The following AGBL1 variants were observed in gnomAD, a reference collection of about 807,000 sequenced individuals.
AGBL1 encodes AGBL carboxypeptidase 1.
AGBL1 carries 130 observed loss-of-function variants against 118.9 expected under a neutral mutation model. The ratio of observed to expected loss-of-function variants is 1.09; its 90% CI spans 0.95 to 1.26. AGBL1 has a LOEUF of 1.26. Ranked by LOEUF, AGBL1 falls within the 50% of genes most tolerant of loss-of-function variation. The pLI is 0.00. For synonymous variants in AGBL1, 555 were observed against 478.9 expected (o/e 1.16, Z -2.08); for missense variants, 1,584 against 1,298.1 (o/e 1.22, Z -3.38).
chr15:86,758,454 A>G (rs1176602918), intron 22 of AGBL1, among the ~76,000 whole-genome samples: 1 of 152,082 alleles, frequency 6.6e-6, no homozygotes, highest in African/African-American at 2.4e-5. Flanking sequence ...TTATATTGTA[A>G]TTAATTGATT....
chr15:86,335,118 A>C (rs1183857514), intron 17 of AGBL1, among the ~76,000 whole-genome samples: 1 of 151,440 alleles, frequency 6.6e-6, no homozygotes, highest in Admixed American at 6.6e-5. Flanking sequence ...AAAGACTGAG[A>C]GACATGGAAG....
chr15:86,838,941 T>TA (rs386383698), intron 22 of AGBL1, among the ~76,000 whole-genome samples: 651 of 48,006 alleles, frequency 0.014, 80 homozygotes, highest in African/African-American at 0.05. Flanking sequence ...TGAGATCCTG[T>TA]AAAAAAAAAA....
chr15:86,442,087 G>A (rs191088685), intron 18 of AGBL1, among the ~76,000 whole-genome samples: 120 of 152,346 alleles, frequency 7.9e-4, no homozygotes, highest in African/African-American at 2.8e-3. Context: ...TAGAAGCAAA[G>A]CATGGTTCGA....
chr15:86,806,293 T>C (rs2141358651), intron 22 of AGBL1, among the ~76,000 whole-genome samples: 1 of 152,240 alleles, frequency 6.6e-6, no homozygotes, highest in Admixed American at 6.5e-5. Flanking sequence ...CTCTGCCAGA[T>C]CAATCTTAAG....
chr15:86,393,080 A>G (rs2081312184), intron 17 of AGBL1, among the ~76,000 whole-genome samples: 1 of 152,194 alleles, frequency 6.6e-6, no homozygotes, highest in Non-Finnish European at 1.5e-5. Flanking sequence ...GGAAGAGAGG[A>G]AAGCCAACTA....
chr15:86,642,208 A>G (rs999154736), intron 21 of AGBL1, among the ~76,000 whole-genome samples: 2 of 152,190 alleles, frequency 1.3e-5, no homozygotes, highest in African/African-American at 4.8e-5. Flanking sequence ...AAGCTATATA[A>G]AACTATAATC....
intron 17 of AGBL1, among the ~76,000 whole-genome samples, chr15:86,352,330 C>T (rs1596003615): frequency 1.3e-5 from 2 of 152,124 alleles, no homozygotes; most frequent in South Asian, 2.1e-4. Context: ...CTTTTATTGA[C>T]CTCTTGGAAT....
chr15:86,200,512 T>C (rs746941433), intron 5 of AGBL1, among the ~76,000 whole-genome samples: 106 of 151,752 alleles, frequency 7.0e-4, no homozygotes, highest in Non-Finnish European at 1.3e-3. Context: ...TAGCACTTTT[T>C]AGTTGCATTA....
chr15:86,534,112 T>TA (rs61563504), intron 19 of AGBL1, among the ~76,000 whole-genome samples: 49,456 of 97,094 alleles, frequency 0.51, 10,409 homozygotes, highest in African/African-American at 0.56. Context: ...TAAAGTATAA[T>TA]AAAAAAAAAA....
At chr15:86,660,704 CA>C (rs1267025633) in intron 21 of AGBL1, among the ~76,000 whole-genome samples, 4 of 152,078 alleles carry the variant, frequency 2.6e-5, no homozygotes. Flanking sequence ...TGCATTTGGT[CA>C]GGCCTCATTT....
At chr15:86,298,257 A>ATGGTAAC (rs2079681239) in intron 17 of AGBL1, among the ~76,000 whole-genome samples, 1 of 94,794 alleles carries the variant, frequency 1.1e-5, no homozygotes, top group Admixed American at 1.0e-4. Context: ...ATATATATAT[A>ATGGTAAC]TATATATATA....
chr15:86,999,563 T>G (rs982749737), intron 24 of AGBL1, among the ~76,000 whole-genome samples: 9 of 148,810 alleles, frequency 6.0e-5, no homozygotes, highest in Non-Finnish European at 1.0e-4. Context: ...AACTCATCAT[T>G]TTTTATGGCT....
At chr15:86,979,730 C>G (rs904454429) in intron 23 of AGBL1, among the ~76,000 whole-genome samples, 2 of 151,998 alleles carry the variant, frequency 1.3e-5, no homozygotes, top group African/African-American at 4.8e-5. Flanking sequence ...GTCTCGATCT[C>G]CTGACCTCGT....
intron 22 of AGBL1, among the ~76,000 whole-genome samples, chr15:86,793,424 C>T (rs2078524787): frequency 6.6e-6 from 1 of 152,110 alleles, no homozygotes; most frequent in Non-Finnish European, 1.5e-5. Context: ...AGACAACTTG[C>T]AAAAGAATGA....
At chr15:86,540,093 A>T (rs1031853581) in intron 19 of AGBL1, among the ~76,000 whole-genome samples, 7 of 152,204 alleles carry the variant, frequency 4.6e-5, no homozygotes, top group African/African-American at 1.7e-4. Context: ...TCGGCCACAA[A>T]ATGAGCATAA....
intron 21 of AGBL1, among the ~76,000 whole-genome samples, chr15:86,638,509 T>A (rs894155370): frequency 7.9e-5 from 12 of 152,140 alleles, no homozygotes; most frequent in Admixed American, 2.0e-4. Flanking sequence ...ACCAAGCAGT[T>A]GCTCTGGTGG....
At chr15:86,141,639 A>G (rs1303206297) in intron 1 of AGBL1, among the ~76,000 whole-genome samples, 1 of 152,218 alleles carries the variant, frequency 6.6e-6, no homozygotes, top group East Asian at 1.9e-4. Flanking sequence ...CAACAGAGCA[A>G]GACTTCATCT....
chr15:86,965,648 A>T (rs2081043424), intron 23 of AGBL1, among the ~76,000 whole-genome samples: 1 of 152,080 alleles, frequency 6.6e-6, no homozygotes, highest in Admixed American at 6.6e-5. Context: ...TGTGGCACAT[A>T]TACACCGTGG....
rs139900295 is a variant in AGBL1, at chr15:86,602,934, C to A, written c.2994+48397C>A. ...GTGGAGGTCTCATTCATAATAGTGACACCTCTTAAATCAGGCCTCTCACCC... is the reference window on the plus strand; with the variant it reads ...GTGGAGGTCTCATTCATAATAGTGAAACCTCTTAAATCAGGCCTCTCACCC... On this transcript the variant is annotated intron_variant, in intron 21 of 22. Coordinates refer to ENST00000614907, the MANE Select transcript of AGBL1 (RefSeq NM_001386094.1). Among the ~76,000 whole-genome samples the A allele has an allele frequency of 2.6e-4, 40 of 152,288 alleles. 1 individual carries two copies. The Middle Eastern group carries it at 0.027, about 104-fold the overall frequency.
Sources: allele counts gnomAD v4.1 joint callset (sites outside exome capture counted in the v4.1 genomes callset), GRCh38; gene constraint gnomAD v4.1.1; transcripts MANE v1.5; gene names NCBI Gene and HGNC (gene_info 2026-07-23, HGNC 2026-07-21).